The following SFTPB variants were observed in gnomAD, a reference collection of about 807,000 sequenced individuals.
SFTPB encodes the protein surfactant protein B.
A neutral mutation model predicts 51.0 loss-of-function variants in SFTPB; 32 were observed. That is an observed-to-expected ratio of 0.63 (90% CI 0.47 to 0.84). The LOEUF (loss-of-function observed/expected upper bound fraction) is 0.84. Ranked by LOEUF, SFTPB falls within the 40% of genes least tolerant of loss-of-function variation. The pLI, the probability that SFTPB is intolerant of heterozygous loss-of-function variation, is 0.00. For missense variants in SFTPB, 431 were observed against 491.2 expected, an observed-to-expected ratio of 0.88 and a Z score of 1.16; for synonymous variants, 211 against 208.5, an observed-to-expected ratio of 1.01 and a Z score of -0.10.
Position 85,665,674 on chromosome 2 carries a change from G to A in SFTPB, c.514C>T (p.Leu172=), listed in dbSNP as rs1443800073. ...ACAGGGAGGACGAGCTTGTCCAGCAGAGGGTCTGGCAGAGGGTCCCGCAGA... is the reference window on the plus strand; with the variant it reads ...ACAGGGAGGACGAGCTTGTCCAGCAAAGGGTCTGGCAGAGGGTCCCGCAGA... ...KPLRDPLPDP[L]LDKLVLPVLP... is the part of the protein sequence containing the mutation. Residue 172 remains leucine, a synonymous_variant, in exon 5 of 11, where the codon CTG becomes TTG. Coordinates refer to ENST00000519937, the MANE Select transcript of SFTPB (RefSeq NM_000542.5). 4 of 1,614,082 alleles carry A rather than the reference G, an allele frequency of 2.5e-6. No homozygotes were observed. In the Admixed American group the frequency reaches 5.0e-5, roughly 20 times the overall value.
At position 85,665,714 on chromosome 2, in the gene SFTPB, GT is replaced by G; in HGVS notation, c.473del (p.Asp158AlafsTer57). The part of the protein sequence containing the change: ...PEPEQEPGMS[D>X]PLPKPLRDPL... ...GGTCCCGCAGAGGTTTGGGCAGGGGGTCTGACATCCCTGGCTCCTGCTCTGG... is the reference window on the plus strand; with the variant it reads ...GGTCCCGCAGAGGTTTGGGCAGGGGGCTGACATCCCTGGCTCCTGCTCTGG... On this transcript the variant is annotated frameshift_variant, in exon 5 of 11. Coordinates refer to ENST00000519937, the MANE Select transcript of SFTPB (RefSeq NM_000542.5). LOFTEE classifies it high-confidence loss of function. 1 of 1,614,216 alleles carries G rather than the reference GT, an allele frequency of 6.2e-7. No homozygotes were observed. The highest frequency in any genetic ancestry group is 8.5e-7 in the Non-Finnish European group (1 of 1,180,038).
In SFTPB at chr2:85,663,314, T is replaced by G. The variant is rs1215127803; in HGVS notation, c.1002+32A>C. 25 of 1,605,856 alleles carry G rather than the reference T, an allele frequency of 1.6e-5. No individual in the cohort carries two copies. The Admixed American group carries it at 4.2e-4, about 27-fold the overall frequency. On this transcript the variant is annotated intron_variant, in intron 8 of 10. Coordinates refer to ENST00000519937, the MANE Select transcript of SFTPB (RefSeq NM_000542.5). ...TCAGCCTTCTGCCTTGAACGGGCCCTGACCATGAGTCCCCATGTGCCCAGC... is the reference window on the plus strand; with the variant it reads ...TCAGCCTTCTGCCTTGAACGGGCCCGGACCATGAGTCCCCATGTGCCCAGC...
chr2:85,667,213 G>A lies in SFTPB; in HGVS notation c.196-36C>T, dbSNP rs563737168. On this transcript the variant is annotated intron_variant, in intron 2 of 10. Coordinates refer to ENST00000519937, the MANE Select transcript of SFTPB (RefSeq NM_000542.5). ...AGGGGCCCCAAGGTGGAGGACACAT[G>A]AGTGGGGGAGGCTCCCAGCTCCAAT... The A allele has an allele frequency of 2.7e-6, 4 of 1,489,836 alleles. No individual in the cohort carries two copies. In the Admixed American group the frequency reaches 5.0e-5, roughly 19 times the overall value. 92.3% of individuals were successfully genotyped at this position (1,489,836 alleles called of 1,614,324 possible).
At chr2:85,667,639 T>C in intron 2 of SFTPB, 40 bp downstream of exon 2, 1 of 1,614,134 alleles carries the variant, frequency 6.2e-7, no homozygotes, top group Non-Finnish European at 8.5e-7. Flanking sequence ...CACCCTTCAT[T>C]TCAGACCCCC....
At chr2:85,661,677 C>T (rs1677307953) in intron 9 of SFTPB, 142 bp from the exon 10 acceptor site, 1 of 698,684 alleles carries the variant, frequency 1.4e-6, no homozygotes, top group Admixed American at 2.3e-5. Flanking sequence ...TCGGGCCACT[C>T]CCTGAGCCAC....
chr2:85,667,295 C>T, intron 2 of SFTPB, 118 bp from the exon 3 acceptor site: 1 of 782,684 alleles, frequency 1.3e-6, no homozygotes, highest in African/African-American at 1.7e-5. Context: ...TGCAGCTGCC[C>T]ACCAGCCCAA....
intron 2 of SFTPB, 123 bp downstream of exon 2, chr2:85,667,556 T>C: frequency 8.1e-7 from 1 of 1,242,078 alleles, no homozygotes; most frequent in Non-Finnish European, 1.2e-6. Context: ...TCTCATTTCA[T>C]CTCATCCCAT....
Position 85,665,288 on chromosome 2 carries a change from C to T in SFTPB, c.672+1G>A. 1 of 1,613,004 alleles carries T rather than the reference C, an allele frequency of 6.2e-7. No individual in the cohort carries two copies. The highest frequency in any genetic ancestry group is 8.5e-7 in the Non-Finnish European group (1 of 1,179,056). On this transcript the variant is annotated splice_donor_variant, in intron 6 of 10. Coordinates refer to ENST00000519937, the MANE Select transcript of SFTPB (RefSeq NM_000542.5). LOFTEE classifies it high-confidence loss of function. ...GCTCTGTGAGGCCCTGGATGCCTCACCTTGGGAATCATGGCTTGGATCCGC... is the reference window on the plus strand; with the variant it reads ...GCTCTGTGAGGCCCTGGATGCCTCATCTTGGGAATCATGGCTTGGATCCGC...
In SFTPB at chr2:85,661,481, C is replaced by T. The variant is rs370785493; in HGVS notation, c.1138G>A (p.Asp380Asn). The T allele has an allele frequency of 3.5e-5, 57 of 1,611,234 alleles. No individual in the cohort carries two copies. The highest frequency in any genetic ancestry group is 5.0e-5 in the Admixed American group (3 of 59,674). ...GGACAGCTGAGTTCTCATCAAAGGTCGGGGCTGTGGATACACTGGAGAGGG... is the reference window on the plus strand; with the variant it reads ...GGACAGCTGAGTTCTCATCAAAGGTTGGGGCTGTGGATACACTGGAGAGGG... ...SSPLQCIHSP[D>N]L Residue 380 changes from aspartate (D) to asparagine (N), a missense_variant, in exon 10 of 11, where the codon GAC becomes AAC. Asp to Asn is a conservative substitution (Grantham distance 23, BLOSUM62 1). Transcript: ENST00000519937.
chr2:85,664,308 G>C (rs34246773), intron 6 of SFTPB, among the ~76,000 whole-genome samples: 7 of 152,162 alleles, frequency 4.6e-5, no homozygotes, highest in Non-Finnish European at 1.0e-4. Context: ...GCTCTGGCCA[G>C]TGTGTAAAAG....
rs888832769 is a variant in SFTPB at position 85,661,367 on chromosome 2, T to G, written c.*19+87A>C. The G allele has an allele frequency of 1.8e-5, 17 of 955,354 alleles. No homozygotes were observed. In the Middle Eastern group the frequency reaches 1.2e-3, roughly 66 times the overall value. 59.2% of individuals were successfully genotyped at this position (955,354 alleles called of 1,614,324 possible). On this transcript the variant is annotated intron_variant, in intron 10 of 10. Coordinates refer to ENST00000519937, the MANE Select transcript of SFTPB (RefSeq NM_000542.5). Reference sequence around the variant, plus strand: ...GCAGCCGGCAGGAGTGGCCGCCTCTTCCTGCTTGGGGAGCAGAAGGGCCTC... The same window carrying G: ...GCAGCCGGCAGGAGTGGCCGCCTCTGCCTGCTTGGGGAGCAGAAGGGCCTC...
At chr2:85,666,274 G>GT (rs1677598371) in intron 4 of SFTPB, among the ~76,000 whole-genome samples, 18 of 110,496 alleles carry the variant, frequency 1.6e-4, no homozygotes, top group African/African-American at 5.4e-4. Flanking sequence ...GTACTGTGTG[G>GT]GTATGTGTCT....
chr2:85,663,300 C>T (rs754420388), intron 8 of SFTPB, 46 bp downstream of exon 8: 2 of 1,602,966 alleles, frequency 1.2e-6, no homozygotes. Flanking sequence ...CAGCCTTCTG[C>T]CTTGAACGGG....
intron 4 of SFTPB, among the ~76,000 whole-genome samples, chr2:85,666,253 G>T (rs563907161): frequency 7.6e-6 from 1 of 132,394 alleles, no homozygotes; most frequent in East Asian, 2.1e-4. Context: ...GTGTGTGTCT[G>T]GCTGGCTGGG....
At chr2:85,667,028 T>C in intron 3 of SFTPB, 78 bp downstream of exon 3, 2 of 1,326,726 alleles carry the variant, frequency 1.5e-6, no homozygotes, top group Non-Finnish European at 2.2e-6. Flanking sequence ...AATGGCCCCT[T>C]TAGGGGGCTC....
chr2:85,668,356 C>T, upstream of SFTPB: 1 of 661,438 alleles, frequency 1.5e-6, no homozygotes, highest in South Asian at 1.8e-5. Flanking sequence ...TGCCTTACCA[C>T]CTGTCCTGGC....
Position 85,666,737 on chromosome 2 carries a change from C to T in SFTPB, c.273G>A (p.Thr91=), listed in dbSNP as rs45478492. ...ACTCCTGCTCCAGGAACTTCCTCAT[C>T]GTGTCCTGGGAGGCCAGAGGGGGCC... The part of the protein sequence containing the change: ...KMAKEAIFQD[T]MRKFLEQECN... The change falls in exon 4 of 11, where the codon ACG becomes ACA. Residue 91 remains threonine (T), a synonymous_variant. Transcript: ENST00000519937. 1.5e-5 allele frequency: 25 copies of T among 1,613,664 alleles called. No homozygotes were observed. The highest frequency in any genetic ancestry group is 3.3e-4 in the Middle Eastern group (2 of 6,082).
intron 4 of SFTPB, among the ~76,000 whole-genome samples, chr2:85,666,349 G>A (rs1244945099): frequency 2.1e-5 from 3 of 143,118 alleles, no homozygotes; most frequent in African/African-American, 7.7e-5. Context: ...GTATGTGTCT[G>A]GATAGGGTGC....
Position 85,666,634 on chromosome 2 carries a change from A to AG in SFTPB, c.375dup (p.Tyr126LeufsTer7), listed in dbSNP as rs766821377. ...GCCCTCACAGTCTGGTTCTGGAAGTAGTCGATGACCAGGGGGAAGTAGTCG... is the reference window on the plus strand; with the variant it reads ...GCCCTCACAGTCTGGTTCTGGAAGTAGGTCGATGACCAGGGGGAAGTAGTCG... On this transcript the variant is annotated frameshift_variant, in exon 4 of 11. Coordinates refer to ENST00000519937, the MANE Select transcript of SFTPB (RefSeq NM_000542.5). LOFTEE classifies it high-confidence loss of function. 1.2e-6 allele frequency: 2 copies of AG among 1,613,502 alleles called. No homozygotes were observed. The highest frequency in any genetic ancestry group is 1.7e-6 in the Non-Finnish European group (2 of 1,179,782).
Sources: allele counts gnomAD v4.1 joint callset (sites outside exome capture counted in the v4.1 genomes callset), GRCh38; gene constraint gnomAD v4.1.1; transcripts MANE v1.5; gene names NCBI Gene and HGNC (gene_info 2026-07-23, HGNC 2026-07-21).